Variants in ZMYND11 observed in about 807,000 individuals in gnomAD.
The protein encoded by ZMYND11 is zinc finger MYND-type containing 11.
A neutral mutation model predicts 84.9 loss-of-function variants in ZMYND11; 9 were observed. The ratio of observed to expected loss-of-function variants is 0.11; its 90% confidence interval spans 0.06 to 0.18. The LOEUF is 0.18. ZMYND11 is among the 10% of genes least tolerant of loss of function. The pLI is 1.00. For missense variants in ZMYND11, 409 were observed against 761.0 expected, an observed-to-expected ratio of 0.54 and a Z score of 5.44; for synonymous variants, 250 against 244.1, an observed-to-expected ratio of 1.02 and a Z score of -0.23.
chr10:235,037 GGA>G (rs1448495990), intron 4 of ZMYND11, among the ~76,000 whole-genome samples: 3 of 151,230 alleles, frequency 2.0e-5, no homozygotes, highest in Admixed American at 6.6e-5. Context: ...TTGTTAAAAA[GGA>G]GAGTGGTTTT....
chr10:150,959 T>C (rs1238867669), intron 1 of ZMYND11, among the ~76,000 whole-genome samples: 9 of 152,120 alleles, frequency 5.9e-5, no homozygotes, highest in African/African-American at 2.2e-4. Context: ...GCAAACAGGG[T>C]CTGGAGTGGA....
intron 2 of ZMYND11, among the ~76,000 whole-genome samples, chr10:201,585 T>TACACACACACACACACAC (rs56058145): frequency 0.084 from 12,274 of 146,008 alleles, 746 homozygotes; most frequent in African/African-American, 0.17. Context: ...TACCATGAAA[T>TACACACACACACACACAC]ACACACACAC....
Position 248,447 on chromosome 10 carries a change from TCAC to T in ZMYND11, c.1342_1344del (p.Pro448del), listed in dbSNP as rs1250648883. 8 of 1,614,028 alleles carry T rather than the reference TCAC, an allele frequency of 5.0e-6. No individual in the cohort carries two copies. The highest frequency in any genetic ancestry group is 5.1e-6 in the Non-Finnish European group (6 of 1,180,020). On this transcript the variant is annotated inframe_deletion, in exon 13 of 15. Coordinates refer to ENST00000381604, the MANE Select transcript of ZMYND11 (RefSeq NM_001370100.5). Reference sequence around the variant, plus strand: ...TCAGACAAAGAAGTTAAGTGCCTCTTCACCAAGAATGCTGCATCGGAGCACCCA... The same window carrying T: ...TCAGACAAAGAAGTTAAGTGCCTCTTCAAGAATGCTGCATCGGAGCACCCA...
intron 4 of ZMYND11, among the ~76,000 whole-genome samples, chr10:230,942 C>T (rs1247465656): frequency 6.6e-6 from 1 of 152,228 alleles, no homozygotes; most frequent in East Asian, 1.9e-4. Flanking sequence ...AACTTACTCC[C>T]TCTAGGGGTC....
At chr10:205,054 G>T (rs1943888777) in intron 2 of ZMYND11, among the ~76,000 whole-genome samples, 1 of 151,974 alleles carries the variant, frequency 6.6e-6, no homozygotes, top group African/African-American at 2.4e-5. Flanking sequence ...AGTCTCATTG[G>T]AGTTACCTGG....
At chr10:153,584 T>C (rs1373728977) in intron 1 of ZMYND11, among the ~76,000 whole-genome samples, 1 of 152,228 alleles carries the variant, frequency 6.6e-6, no homozygotes. Flanking sequence ...AGAATGTTTA[T>C]TGTATGTTAT....
chr10:239,321 G>A (rs1950506488), intron 6 of ZMYND11, 117 bp from the exon 7 acceptor site: 4 of 764,938 alleles, frequency 5.2e-6, no homozygotes, highest in Non-Finnish European at 8.7e-6. Context: ...AATACTGTGG[G>A]ATGGCAGTAG....
intron 2 of ZMYND11, chr10:198,010 G>A (rs1320408735): frequency 1.7e-6 from 1 of 603,516 alleles, no homozygotes; most frequent in Non-Finnish European, 3.0e-6. Context: ...AAACTGGTAA[G>A]TAAGTTTTTA....
chr10:217,897 G>A (rs548154091), intron 3 of ZMYND11, among the ~76,000 whole-genome samples: 3 of 152,286 alleles, frequency 2.0e-5, no homozygotes, highest in South Asian at 4.1e-4. Flanking sequence ...TTAACCAAAT[G>A]CTATGTGAAT....
intron 1 of ZMYND11, among the ~76,000 whole-genome samples, chr10:156,257 T>G (rs567866138): frequency 1.3e-5 from 2 of 152,346 alleles, no homozygotes; most frequent in East Asian, 3.9e-4. Context: ...GCAGCCCCTG[T>G]GCAACTGAGT....
intron 14 of ZMYND11, 79 bp downstream of exon 14, chr10:249,167 G>A (rs1952810881): frequency 6.3e-7 from 1 of 1,593,864 alleles, no homozygotes; most frequent in Non-Finnish European, 8.5e-7. Context: ...GAAGGTAGCT[G>A]TGGCACATGC....
At chr10:242,836 G>A (rs188378019) in intron 10 of ZMYND11, among the ~76,000 whole-genome samples, 2 of 152,136 alleles carry the variant, frequency 1.3e-5, no homozygotes, top group African/African-American at 4.8e-5. Context: ...AATTTAAACA[G>A]AAGTGTAGTT....
At chr10:229,657 C>T (rs935374350) in intron 4 of ZMYND11, among the ~76,000 whole-genome samples, 1 of 152,002 alleles carries the variant, frequency 6.6e-6, no homozygotes, top group Non-Finnish European at 1.5e-5. Context: ...TGTGTCAGTA[C>T]TGGGAGTGAA....
chr10:230,696 A>G (rs1948887787), intron 4 of ZMYND11, among the ~76,000 whole-genome samples: 1 of 152,062 alleles, frequency 6.6e-6, no homozygotes, highest in South Asian at 2.1e-4. Context: ...CACATCAGAA[A>G]TAAAATTATT....
At chr10:184,033 A>C (rs1212895255) in intron 2 of ZMYND11, among the ~76,000 whole-genome samples, 1 of 152,188 alleles carries the variant, frequency 6.6e-6, no homozygotes, top group Non-Finnish European at 1.5e-5. Flanking sequence ...TATACTTTTA[A>C]AAGATAAAAA....
chr10:244,891 A>T (rs1156629861), intron 10 of ZMYND11, among the ~76,000 whole-genome samples: 1 of 152,242 alleles, frequency 6.6e-6, no homozygotes. Context: ...CACTTTATTT[A>T]AGATAAATAA....
In ZMYND11 at chr10:209,895, G is replaced by A; in HGVS notation, c.123G>A (p.Met41Ile). The change falls in exon 3 of 15, where the codon ATG becomes ATA. Residue 41 changes from methionine to isoleucine, a missense_variant. By Grantham distance (10) the Met-to-Ile change is conservative. Transcript: ENST00000381604. ...IANIDRITKY[M>I]SRVHGMHPKE... ...GTTTTTCCTCTGTGTTCAGGTATAT[G>A]TCTCGAGTCCACGGTATGCACCCTA... The A allele has an allele frequency of 1.2e-6, 2 of 1,613,194 alleles. No individual in the cohort carries two copies. Among genetic ancestry groups the A allele is most frequent in the Non-Finnish European group, 1.7e-6 (2 of 1,179,540 alleles).
chr10:208,926 G>A (rs1944674163), intron 2 of ZMYND11, among the ~76,000 whole-genome samples: 1 of 152,000 alleles, frequency 6.6e-6, no homozygotes, highest in Non-Finnish European at 1.5e-5. Context: ...CTCACACTAT[G>A]TTTTTTATCT....
intron 10 of ZMYND11, 49 bp downstream of exon 10, chr10:242,188 C>G: frequency 6.3e-7 from 1 of 1,584,892 alleles, no homozygotes; most frequent in Non-Finnish European, 8.6e-7. Flanking sequence ...TTATGAAGTC[C>G]TTAAGAAAGT....
Sources: allele counts gnomAD v4.1 joint callset (sites outside exome capture counted in the v4.1 genomes callset), GRCh38; gene constraint gnomAD v4.1.1; transcripts MANE v1.5; gene names NCBI Gene and HGNC (gene_info 2026-07-23, HGNC 2026-07-21).